The following SERPINB7 variants were observed in gnomAD, a reference collection of about 807,000 sequenced individuals.
SERPINB7 encodes serpin family B member 7, also known as serpin B7.
SERPINB7 carries 31 observed loss-of-function variants against 37.4 expected under a neutral mutation model. The ratio of observed to expected loss-of-function variants is 0.83; its 90% CI spans 0.62 to 1.12. The LOEUF (loss-of-function observed/expected upper bound fraction) is 1.12, where lower values mean the gene tolerates loss of function less well. Among genes scored for constraint, SERPINB7 ranks in the 50% most tolerant of loss-of-function variants. The pLI is 0.00. For missense variants in SERPINB7, 521 were observed against 455.3 expected (o/e 1.14, Z -1.31); for synonymous variants, 163 against 166.1 (o/e 0.98, Z 0.14).
chr18:63,764,433 C>T (rs927730308), intron 1 of SERPINB7, among the ~76,000 whole-genome samples: 2 of 152,122 alleles, frequency 1.3e-5, no homozygotes, highest in African/African-American at 4.8e-5. Flanking sequence ...CTCTGACTGT[C>T]CCTATCCATG....
intron 1 of SERPINB7, among the ~76,000 whole-genome samples, chr18:63,760,950 A>G (rs1396987194): frequency 6.6e-6 from 1 of 152,224 alleles, no homozygotes; most frequent in Non-Finnish European, 1.5e-5. Context: ...GTGGGGTTGA[A>G]GCCCCCACAT....
chr18:63,766,460 T>C (rs2049181126), intron 1 of SERPINB7, among the ~76,000 whole-genome samples: 2 of 152,182 alleles, frequency 1.3e-5, no homozygotes, highest in African/African-American at 4.8e-5. Flanking sequence ...TACATTTGGG[T>C]AAGCATTCAA....
chr18:63,794,922 A>T (rs909546271), intron 4 of SERPINB7, among the ~76,000 whole-genome samples: 3 of 152,210 alleles, frequency 2.0e-5, no homozygotes, highest in Non-Finnish European at 4.4e-5. Context: ...AAACTTTAAC[A>T]GGAAATCCAC....
chr18:63,784,927 C>G (rs1259891996), intron 2 of SERPINB7, among the ~76,000 whole-genome samples: 1 of 152,180 alleles, frequency 6.6e-6, no homozygotes, highest in Non-Finnish European at 1.5e-5. Flanking sequence ...TCTGAAGTCT[C>G]CTTGCCCTGC....
At chr18:63,796,232 T>G (rs1407960653) in intron 4 of SERPINB7, 34 bp from the exon 5 acceptor site, 13 of 1,227,908 alleles carry the variant, frequency 1.1e-5, no homozygotes. Flanking sequence ...TTGGTGATGA[T>G]TTGTAAATAC....
chr18:63,803,570 G>T (rs1162407916), intron 7 of SERPINB7, among the ~76,000 whole-genome samples: 1 of 152,180 alleles, frequency 6.6e-6, no homozygotes, highest in African/African-American at 2.4e-5. Flanking sequence ...TGCTGTTGGA[G>T]AGAGAGATAA....
chr18:63,798,107 G>A (rs775938691), intron 5 of SERPINB7, among the ~76,000 whole-genome samples: 46 of 152,300 alleles, frequency 3.0e-4, no homozygotes, highest in Middle Eastern at 3.4e-3. Flanking sequence ...CACAGGCTAT[G>A]TCTTTCATAT....
chr18:63,793,987 G>A (rs117871692), intron 4 of SERPINB7, among the ~76,000 whole-genome samples: 2,380 of 151,674 alleles, frequency 0.016, 36 homozygotes, highest in Non-Finnish European at 0.024. Context: ...TCTGTTGCCC[G>A]GGATGGAGTG....
At chr18:63,799,061 TATTTTTC>T (rs1000674473) in intron 6 of SERPINB7, among the ~76,000 whole-genome samples, 2 of 152,214 alleles carry the variant, frequency 1.3e-5, no homozygotes, top group African/African-American at 4.8e-5. Flanking sequence ...GACAAAAGTG[TATTTTTC>T]ATTTTTCATT....
At chr18:63,798,472 G>C in intron 5 of SERPINB7, 132 bp from the exon 6 acceptor site, 1 of 676,222 alleles carries the variant, frequency 1.5e-6, no homozygotes, top group Non-Finnish European at 2.4e-6. Flanking sequence ...ATTGCTCATA[G>C]GTTATTCTTA....
chr18:63,804,691 G>T lies in SERPINB7; in HGVS notation c.*56G>T. ...CCACAACATCAAAGAACCACCACAA[G>T]TCAATAGATTTGAGTTTAATTGGAA... On this transcript the variant is annotated 3_prime_UTR_variant, in exon 8 of 8. Transcript: ENST00000398019. 6.7e-7 allele frequency: 1 copy of T among 1,481,564 alleles called. No homozygotes were observed. The highest frequency in any genetic ancestry group is 9.1e-7 in the Non-Finnish European group (1 of 1,102,626). 91.8% of individuals were successfully genotyped at this position (1,481,564 alleles called of 1,614,324 possible).
At chr18:63,779,990 C>T (rs1303084329) in intron 1 of SERPINB7, among the ~76,000 whole-genome samples, 1 of 151,902 alleles carries the variant, frequency 6.6e-6, no homozygotes. Context: ...GCTTCCAGAC[C>T]CCCATTGGCC....
intron 7 of SERPINB7, among the ~76,000 whole-genome samples, chr18:63,801,728 C>T (rs545242267): frequency 3.3e-5 from 5 of 151,948 alleles, no homozygotes; most frequent in South Asian, 4.2e-4. Context: ...GCCAGAGGAC[C>T]GGTTTAGTCA....
chr18:63,798,621 A>T lies in SERPINB7; in HGVS notation c.472A>T (p.Ile158Phe). Residue 158 changes from isoleucine (I) to phenylalanine (F), a missense_variant, in exon 6 of 8, where the codon ATT (isoleucine) becomes TTT (phenylalanine). Transcript: ENST00000398019. Reference sequence around the variant, plus strand: ...TTCAAAAGGCAAAATCAAGAACGTGATTGGTGAAGGTGGCATAAGCTCATC... The same window carrying T: ...TTCAAAAGGCAAAATCAAGAACGTGTTTGGTGAAGGTGGCATAAGCTCATC... ...NETHGKIKNVIGEGGISSSAV... is the reference protein window; with the variant it reads ...NETHGKIKNVFGEGGISSSAV... The T allele has an allele frequency of 6.4e-7, 1 of 1,567,152 alleles. No homozygotes were observed. Among genetic ancestry groups the T allele is most frequent in the Non-Finnish European group, 8.6e-7 (1 of 1,158,292 alleles).
chr18:63,782,471 G>C lies in SERPINB7; in HGVS notation c.99G>C (p.Leu33=). The C allele has an allele frequency of 1.2e-6, 2 of 1,614,142 alleles. No homozygotes were observed. Among genetic ancestry groups the C allele is most frequent in the Non-Finnish European group, 1.7e-6 (2 of 1,179,994 alleles). ...ATGGAAATGTGTTCTTTTCCTCTCT[G>C]AGCCTCTTCGCTGCCCTGGCCCTGG... The part of the protein sequence containing the change: ...QGNGNVFFSS[L]SLFAALALVR... Residue 33 remains leucine (L), a synonymous_variant, in exon 2 of 8, where the codon CTG becomes CTC. Coordinates refer to ENST00000398019, the MANE Select transcript of SERPINB7 (RefSeq NM_003784.4).
At chr18:63,788,357 A>G (rs959858202) in intron 2 of SERPINB7, among the ~76,000 whole-genome samples, 4 of 152,242 alleles carry the variant, frequency 2.6e-5, no homozygotes, top group African/African-American at 9.6e-5. Context: ...AAAAGTTTAA[A>G]AAGTTAAAAA....
intron 1 of SERPINB7, among the ~76,000 whole-genome samples, chr18:63,758,951 C>G (rs1196878702): frequency 1.3e-5 from 2 of 152,154 alleles, no homozygotes; most frequent in Non-Finnish European, 2.9e-5. Context: ...AAAGGGATGT[C>G]AAGCCTTGAG....
At chr18:63,758,949 G>A (rs1237744711) in intron 1 of SERPINB7, among the ~76,000 whole-genome samples, 2 of 152,180 alleles carry the variant, frequency 1.3e-5, no homozygotes, top group Non-Finnish European at 2.9e-5. Context: ...TTAAAGGGAT[G>A]TCAAGCCTTG....
At chr18:63,753,313 G>C (rs2049102724) in intron 1 of SERPINB7, among the ~76,000 whole-genome samples, 1 of 152,138 alleles carries the variant, frequency 6.6e-6, no homozygotes, top group South Asian at 2.1e-4. Flanking sequence ...GCCAATCTCT[G>C]TTCTCCACAT....
Sources: allele counts gnomAD v4.1 joint callset (sites outside exome capture counted in the v4.1 genomes callset), GRCh38; gene constraint gnomAD v4.1.1; transcripts MANE v1.5; gene names NCBI Gene and HGNC (gene_info 2026-07-23, HGNC 2026-07-21).